SEMA3C: variants seen among roughly 807,000 people sequenced by gnomAD.
SEMA3C encodes semaphorin-3C.
SEMA3C carries 47 observed loss-of-function variants against 89.4 expected under a neutral mutation model. The ratio of observed to expected loss-of-function variants is 0.53; its 90% CI spans 0.42 to 0.67. The LOEUF (loss-of-function observed/expected upper bound fraction) is 0.67. Ranked by LOEUF, SEMA3C falls within the 30% of genes least tolerant of loss-of-function variation. The pLI is 0.00. For missense variants in SEMA3C, 839 were observed against 929.1 expected (o/e 0.90, Z 1.26); for synonymous variants, 310 against 320.2 (o/e 0.97, Z 0.34).
At chr7:80,759,834 C>T (rs1486912646) in intron 14 of SEMA3C, among the ~76,000 whole-genome samples, 3 of 152,138 alleles carry the variant, frequency 2.0e-5, no homozygotes, top group Admixed American at 2.0e-4. Context: ...TTCACAATAA[C>T]CATTTGTCCA....
At chr7:80,858,192 G>T (rs1349322530) in intron 2 of SEMA3C, among the ~76,000 whole-genome samples, 3 of 152,064 alleles carry the variant, frequency 2.0e-5, no homozygotes, top group Admixed American at 6.6e-5. Context: ...AAGGCTTTCA[G>T]GTGAGTTTTA....
At chr7:80,864,426 A>T (rs1401865730) in intron 2 of SEMA3C, among the ~76,000 whole-genome samples, 1 of 152,180 alleles carries the variant, frequency 6.6e-6, no homozygotes, top group African/African-American at 2.4e-5. Flanking sequence ...AATAAAGAAG[A>T]TAAAAACAAT....
At chr7:80,746,101 G>A (rs892212540) in intron 17 of SEMA3C, among the ~76,000 whole-genome samples, 53 of 152,038 alleles carry the variant, frequency 3.5e-4, no homozygotes, top group Non-Finnish European at 8.8e-5. Context: ...GTGGTAAGAG[G>A]TTCTTTGACA....
chr7:80,848,660 ACT>A (rs770736388), intron 2 of SEMA3C, among the ~76,000 whole-genome samples: 7 of 152,222 alleles, frequency 4.6e-5, no homozygotes, highest in Middle Eastern at 3.4e-3. Context: ...AAGGATTTAT[ACT>A]CTGTTTCTCC....
chr7:80,868,489 G>T (rs576244930), intron 2 of SEMA3C, among the ~76,000 whole-genome samples: 1 of 151,996 alleles, frequency 6.6e-6, no homozygotes, highest in African/African-American at 2.4e-5. Flanking sequence ...GGCTGGTCTC[G>T]AACTCCTGAC....
chr7:80,754,625 A>G (rs1039623156), intron 15 of SEMA3C, among the ~76,000 whole-genome samples: 2 of 152,246 alleles, frequency 1.3e-5, no homozygotes, highest in African/African-American at 4.8e-5. Flanking sequence ...TGGAGAATGT[A>G]AATACCGTAG....
chr7:80,783,283 ATACCTCTCTT>A (rs1373353476), intron 12 of SEMA3C, among the ~76,000 whole-genome samples: 1 of 152,060 alleles, frequency 6.6e-6, no homozygotes, highest in Non-Finnish European at 1.5e-5. Flanking sequence ...GTCTCTTCAC[ATACCTCTCTT>A]TGCTACTCTT....
chr7:80,898,661 G>A (rs934676300), intron 2 of SEMA3C, among the ~76,000 whole-genome samples: 1 of 151,728 alleles, frequency 6.6e-6, no homozygotes, highest in African/African-American at 2.4e-5. Context: ...TTGAGAATCA[G>A]GACACGCAGG....
At chr7:80,824,899 A>AT (rs1345226015) in intron 4 of SEMA3C, among the ~76,000 whole-genome samples, 2 of 152,042 alleles carry the variant, frequency 1.3e-5, no homozygotes, top group African/African-American at 2.4e-5. Context: ...AATGTTGGGT[A>AT]TTTTTTCTGA....
chr7:80,807,429 C>T (rs962905295), intron 6 of SEMA3C, among the ~76,000 whole-genome samples: 4 of 152,080 alleles, frequency 2.6e-5, no homozygotes, highest in African/African-American at 9.7e-5. Flanking sequence ...ATCTTAAATT[C>T]GCAGTAATTT....
At chr7:80,750,467 T>TAC (rs1400593051) in intron 16 of SEMA3C, among the ~76,000 whole-genome samples, 43 of 61,792 alleles carry the variant, frequency 7.0e-4, no homozygotes, top group African/African-American at 2.0e-3. Context: ...TATATATATA[T>TAC]ATATATACAC....
At chr7:80,776,441 T>C (rs1230217353) in intron 12 of SEMA3C, among the ~76,000 whole-genome samples, 1 of 152,124 alleles carries the variant, frequency 6.6e-6, no homozygotes, top group Non-Finnish European at 1.5e-5. Context: ...AATCTGAATA[T>C]AGTATTTGCC....
At chr7:80,805,870 G>A in intron 6 of SEMA3C, 112 bp from the exon 7 acceptor site, 1 of 599,686 alleles carries the variant, frequency 1.7e-6, no homozygotes. Context: ...ATGATAATTG[G>A]TTATAACAAA....
At chr7:80,748,351 T>G (rs1787846305) in intron 17 of SEMA3C, among the ~76,000 whole-genome samples, 1 of 152,166 alleles carries the variant, frequency 6.6e-6, no homozygotes, top group African/African-American at 2.4e-5. Flanking sequence ...CTAAGGACTT[T>G]TTCCACATCA....
intron 13 of SEMA3C, among the ~76,000 whole-genome samples, chr7:80,764,479 C>T (rs1202189907): frequency 6.6e-6 from 1 of 152,178 alleles, no homozygotes; most frequent in Non-Finnish European, 1.5e-5. Flanking sequence ...CACAAATCCC[C>T]TCTCCTGGCT....
chr7:80,765,090 G>T, intron 13 of SEMA3C, 65 bp downstream of exon 13: 3 of 1,058,248 alleles, frequency 2.8e-6, no homozygotes, highest in Admixed American at 2.3e-5. Flanking sequence ...CTCCCAAGTG[G>T]CTGTAAGATT....
intron 2 of SEMA3C, among the ~76,000 whole-genome samples, chr7:80,860,903 T>C (rs1790756149): frequency 6.6e-6 from 1 of 152,160 alleles, no homozygotes; most frequent in Non-Finnish European, 1.5e-5. Flanking sequence ...GAAGCATACT[T>C]TCAACAATTC....
intron 14 of SEMA3C, among the ~76,000 whole-genome samples, chr7:80,761,101 C>G (rs148711449): frequency 0.018 from 2,679 of 152,074 alleles, 47 homozygotes; most frequent in Admixed American, 0.023. Flanking sequence ...ATTCCTGAAC[C>G]CTTAAATTTG....
At chr7:80,814,452 G>C (rs1278264355) in intron 5 of SEMA3C, among the ~76,000 whole-genome samples, 1 of 151,932 alleles carries the variant, frequency 6.6e-6, no homozygotes, top group Admixed American at 6.6e-5. Context: ...AAAGTTAGGA[G>C]ACCCTCAAGT....
Sources: gnomAD v4.1 joint callset for allele counts (sites outside exome capture counted in the v4.1 genomes callset) on GRCh38, gnomAD v4.1.1 for gene constraint, MANE v1.5 for transcripts, NCBI Gene and HGNC (gene_info 2026-07-23, HGNC 2026-07-21) for gene names.